Variants in MTX2 observed in about 807,000 individuals in gnomAD.
MTX2 encodes the protein metaxin-2.
MTX2 carries 35 observed loss-of-function variants against 42.3 expected under a neutral mutation model. The observed-to-expected ratio is 0.83, with a 90% CI of 0.63 to 1.10. The LOEUF (loss-of-function observed/expected upper bound fraction) is 1.10, where lower values mean the gene tolerates loss of function less well. MTX2 is among the 50% of genes least tolerant of loss of function. MTX2 has a pLI of 0.00. For synonymous variants in MTX2, 119 were observed against 100.9 expected, an observed-to-expected ratio of 1.18 and a Z score of -1.08; for missense variants, 307 against 304.1, an observed-to-expected ratio of 1.01 and a Z score of -0.07.
At chr2:176,337,360 C>A in intron 9 of MTX2, 133 bp from the exon 10 acceptor site, 1 of 695,236 alleles carries the variant, frequency 1.4e-6, no homozygotes, top group Non-Finnish European at 2.3e-6. Flanking sequence ...TATTTCTAAT[C>A]TTTTAAAATA....
At chr2:176,276,489 T>C (rs1176077777) in intron 1 of MTX2, among the ~76,000 whole-genome samples, 1 of 152,124 alleles carries the variant, frequency 6.6e-6, no homozygotes, top group Non-Finnish European at 1.5e-5. Context: ...AGGAACAAGG[T>C]CATTGGAGTA....
rs750974421 is a variant in MTX2 at position 176,337,676 on chromosome 2, A to G, written c.*12A>G. 5.2e-6 allele frequency: 8 copies of G among 1,539,338 alleles called. No homozygotes were observed. Among genetic ancestry groups the G allele is most frequent in the Middle Eastern group, 3.5e-4 (2 of 5,790 alleles). On this transcript the variant is annotated 3_prime_UTR_variant, in exon 10 of 10. Coordinates refer to ENST00000249442, the MANE Select transcript of MTX2 (RefSeq NM_006554.5). ...GCAGGCTGTCATAGAGTTATGTGTT[A>G]GTCTCAGGAGTCTTAACTTTTGAAA... is the stretch of plus-strand genomic sequence containing the variant.
chr2:176,299,872 A>G (rs1352310694), intron 3 of MTX2, among the ~76,000 whole-genome samples: 1 of 152,130 alleles, frequency 6.6e-6, no homozygotes, highest in Non-Finnish European at 1.5e-5. Flanking sequence ...CAGTTAGGCC[A>G]TTAGGAAATT....
chr2:176,301,258 C>T (rs1284873470), intron 3 of MTX2, among the ~76,000 whole-genome samples: 1 of 152,046 alleles, frequency 6.6e-6, no homozygotes, highest in African/African-American at 2.4e-5. Flanking sequence ...GTGCACAGTA[C>T]TATTATTATC....
chr2:176,306,960 T>G (rs1217378368), intron 3 of MTX2, among the ~76,000 whole-genome samples: 15 of 152,208 alleles, frequency 9.9e-5, no homozygotes, highest in Non-Finnish European at 2.9e-5. Context: ...GTTTTTGGTG[T>G]TTTAGACATG....
At position 176,296,783 on chromosome 2, in the gene MTX2, T is replaced by C. The variant is rs373285271; in HGVS notation, c.41-77T>C. On this transcript the variant is annotated intron_variant, in intron 1 of 9. Transcript: ENST00000249442. ...TGACTTTAAATGCTGTAGGCAAATGTACATGCTTATTAATTTGGTTTGTTA... is the reference window on the plus strand; with the variant it reads ...TGACTTTAAATGCTGTAGGCAAATGCACATGCTTATTAATTTGGTTTGTTA... 2.4e-5 allele frequency: 35 copies of C among 1,438,720 alleles called. 1 individual carries two copies. The East Asian group carries it at 7.3e-4, about 30-fold the overall frequency. 89.1% of individuals were successfully genotyped at this position (1,438,720 alleles called of 1,614,324 possible).
intron 3 of MTX2, among the ~76,000 whole-genome samples, chr2:176,318,020 C>T (rs1684486783): frequency 6.6e-6 from 1 of 152,142 alleles, no homozygotes; most frequent in Admixed American, 6.6e-5. Flanking sequence ...TAGGTTTCAG[C>T]TTCCTCTGCC....
At chr2:176,327,446 C>T (rs1558943897) in intron 5 of MTX2, among the ~76,000 whole-genome samples, 1 of 150,550 alleles carries the variant, frequency 6.6e-6, no homozygotes, top group Non-Finnish European at 1.5e-5. Flanking sequence ...TTGCAACATA[C>T]CTTTTAAAAT....
At chr2:176,288,961 A>G (rs185049707) in intron 1 of MTX2, among the ~76,000 whole-genome samples, 1 of 152,160 alleles carries the variant, frequency 6.6e-6, no homozygotes, top group African/African-American at 2.4e-5. Flanking sequence ...GTTGATTTGA[A>G]TGGAATAAAT....
intron 1 of MTX2, among the ~76,000 whole-genome samples, chr2:176,277,668 C>T: frequency 6.6e-6 from 1 of 152,156 alleles, no homozygotes; most frequent in South Asian, 2.1e-4. Flanking sequence ...TCCCAAAGTG[C>T]TGGGATTACA....
intron 9 of MTX2, among the ~76,000 whole-genome samples, chr2:176,333,809 C>T (rs1684917866): frequency 6.6e-6 from 1 of 151,588 alleles, no homozygotes; most frequent in Non-Finnish European, 1.5e-5. Context: ...CAGTTGCCTA[C>T]AGTATTCTGT....
At chr2:176,334,871 TTATAA>T (rs1175359213) in intron 9 of MTX2, among the ~76,000 whole-genome samples, 4 of 151,766 alleles carry the variant, frequency 2.6e-5, no homozygotes, top group Non-Finnish European at 4.4e-5. Flanking sequence ...GTGAACACAG[TTATAA>T]TATGGTATGA....
At chr2:176,276,158 T>C (rs1287076425) in intron 1 of MTX2, among the ~76,000 whole-genome samples, 2 of 152,232 alleles carry the variant, frequency 1.3e-5, no homozygotes, top group Admixed American at 6.5e-5. Context: ...TTCAATAATA[T>C]GAAGTATCTA....
Position 176,296,549 on chromosome 2 carries a change from T to C in MTX2, c.41-311T>C, listed in dbSNP as rs147247953. ...GGATATGTCTGTGTTTGAAAGAAGC[T>C]AAAGGAATTGTAGCATATGAGCTAT... is the stretch of plus-strand genomic sequence containing the variant. On this transcript the variant is annotated intron_variant, in intron 1 of 9. Transcript: ENST00000249442. 6.6e-5 allele frequency among the ~76,000 whole-genome samples: 10 copies of C among 152,294 alleles called. No homozygotes were observed. The East Asian group carries it at 1.7e-3, about 26-fold the overall frequency.
chr2:176,269,625 C>G lies in MTX2; in HGVS notation c.-5C>G, dbSNP rs1166507748. 6.3e-7 allele frequency: 1 copy of G among 1,591,418 alleles called. No individual in the cohort carries two copies. The highest frequency in any genetic ancestry group is 8.5e-7 in the Non-Finnish European group (1 of 1,172,066). Reference sequence around the variant, plus strand: ...GGCACCCGGGCGCCGGGCCTCCCAGCCGACATGTCTCTAGTGGCGGAAGCC... The same window carrying G: ...GGCACCCGGGCGCCGGGCCTCCCAGGCGACATGTCTCTAGTGGCGGAAGCC... On this transcript the variant is annotated 5_prime_UTR_variant, in exon 1 of 10. Transcript: ENST00000249442.
At chr2:176,293,811 G>A (rs755027433) in intron 1 of MTX2, among the ~76,000 whole-genome samples, 1 of 152,132 alleles carries the variant, frequency 6.6e-6, no homozygotes, top group Admixed American at 6.6e-5. Flanking sequence ...AATCATGTAG[G>A]TGATGCACTT....
chr2:176,318,986 TGGCTAC>T (rs2105435733), intron 3 of MTX2, among the ~76,000 whole-genome samples: 1 of 152,332 alleles, frequency 6.6e-6, no homozygotes, highest in African/African-American at 2.4e-5. Flanking sequence ...ATGTGACTAG[TGGCTAC>T]CATATTGGAC....
chr2:176,328,600 T>A (rs1684777667), intron 6 of MTX2, among the ~76,000 whole-genome samples: 1 of 151,256 alleles, frequency 6.6e-6, no homozygotes, highest in South Asian at 2.1e-4. Flanking sequence ...GAGTGATTCT[T>A]GCCTACTCAT....
intron 1 of MTX2, among the ~76,000 whole-genome samples, chr2:176,286,393 C>T (rs1338852668): frequency 6.6e-6 from 1 of 152,042 alleles, no homozygotes; most frequent in East Asian, 1.9e-4. Flanking sequence ...TATTTGGGCT[C>T]CAGCTTTGGT....
Sources: allele counts gnomAD v4.1 joint callset (sites outside exome capture counted in the v4.1 genomes callset), GRCh38; gene constraint gnomAD v4.1.1; transcripts MANE v1.5; gene names NCBI Gene and HGNC (gene_info 2026-07-23, HGNC 2026-07-21).